ATG5: variants seen among roughly 807,000 people sequenced by gnomAD.
ATG5 encodes autophagy protein 5.
A neutral mutation model predicts 36.5 loss-of-function variants in ATG5; 14 were observed. The ratio of observed to expected loss-of-function variants is 0.38; its 90% CI spans 0.25 to 0.60. The LOEUF is 0.60. Ranked by LOEUF, ATG5 falls within the 20% of genes least tolerant of loss-of-function variation. The pLI, the probability that ATG5 is intolerant of heterozygous loss-of-function variation, is 0.60. For missense variants in ATG5, 195 were observed against 326.7 expected, an observed-to-expected ratio of 0.60 and a Z score of 3.11; for synonymous variants, 95 against 101.5, an observed-to-expected ratio of 0.94 and a Z score of 0.38.
chr6:106,248,247 G>T lies in ATG5; in HGVS notation c.479-3C>A. ...GGCCCAAAACTGGTCAAATCTGTCT[G>T]TAATGATATAAATTATTTGTTATTA... On this transcript the variant is annotated splice_region_variant and splice_polypyrimidine_tract_variant and intron_variant, in intron 5 of 7. Transcript: ENST00000369076. The T allele has an allele frequency of 1.3e-6, 2 of 1,583,108 alleles. No individual in the cohort carries two copies. The highest frequency in any genetic ancestry group is 1.7e-6 in the Non-Finnish European group (2 of 1,152,578).
intron 1 of ATG5, among the ~76,000 whole-genome samples, chr6:106,322,773 A>C (rs1771138225): frequency 6.6e-6 from 1 of 152,078 alleles, no homozygotes; most frequent in Admixed American, 6.6e-5. Flanking sequence ...ATACATTTAC[A>C]CTCCCACAGT....
At chr6:106,206,978 G>A (rs1446053742) in intron 6 of ATG5, among the ~76,000 whole-genome samples, 2 of 152,102 alleles carry the variant, frequency 1.3e-5, no homozygotes, top group Non-Finnish European at 1.5e-5. Flanking sequence ...TAAATCTTAG[G>A]TTGACAGACA....
At chr6:106,285,888 A>C (rs1780058040) in intron 4 of ATG5, among the ~76,000 whole-genome samples, 1 of 152,176 alleles carries the variant, frequency 6.6e-6, no homozygotes, top group Admixed American at 6.5e-5. Flanking sequence ...AGTGGACCAC[A>C]TTTGCCAACT....
At chr6:106,323,260 CTTTTTTTT>C (rs71274321) in intron 1 of ATG5, among the ~76,000 whole-genome samples, 1 of 64,222 alleles carries the variant, frequency 1.6e-5, no homozygotes, top group African/African-American at 6.6e-5. Context: ...TGGAAAAGTC[CTTTTTTTT>C]TTTTTTTTTT....
chr6:106,266,160 G>C (rs1187218673), intron 5 of ATG5, among the ~76,000 whole-genome samples: 1 of 152,058 alleles, frequency 6.6e-6, no homozygotes, highest in Admixed American at 6.6e-5. Flanking sequence ...AATGATAAAG[G>C]GGATATCATC....
chr6:106,260,984 T>G (rs1284785225), intron 5 of ATG5, among the ~76,000 whole-genome samples: 1 of 152,178 alleles, frequency 6.6e-6, no homozygotes, highest in East Asian at 1.9e-4. Context: ...CACCTGGAAA[T>G]GCGTAATACA....
intron 6 of ATG5, among the ~76,000 whole-genome samples, chr6:106,208,093 A>G (rs1386606669): frequency 6.6e-6 from 1 of 152,204 alleles, no homozygotes; most frequent in Non-Finnish European, 1.5e-5. Context: ...CTCTGTCTCA[A>G]AAAAGAGTAT....
rs575064984 is a variant in ATG5 at position 106,221,503 on chromosome 6, T to C, written c.574-19414A>G. The stretch of plus-strand genomic sequence containing the variant: ...GAATTCGAGACCAACCTGGGCAACA[T>C]GGTGAAACCCCATCTCTATAAAAAA... On this transcript the variant is annotated intron_variant, in intron 6 of 7. Transcript: ENST00000369076. Among the ~76,000 whole-genome samples the C allele has an allele frequency of 3.3e-5, 5 of 152,048 alleles. No homozygotes were observed. The South Asian group carries it at 6.2e-4, about 19-fold the overall frequency.
At chr6:106,276,541 C>A (rs1413574859) in intron 5 of ATG5, among the ~76,000 whole-genome samples, 1 of 151,578 alleles carries the variant, frequency 6.6e-6, no homozygotes, top group African/African-American at 2.4e-5. Context: ...AAACTAAAAA[C>A]CAGGCCTTTG....
At chr6:106,189,411 C>A (rs1775888085) in intron 7 of ATG5, among the ~76,000 whole-genome samples, 1 of 151,754 alleles carries the variant, frequency 6.6e-6, no homozygotes, top group Non-Finnish European at 1.5e-5. Context: ...TTGAGACCAG[C>A]CTGGGCAACA....
chr6:106,252,040 C>T (rs1778615136), intron 5 of ATG5, among the ~76,000 whole-genome samples: 1 of 152,086 alleles, frequency 6.6e-6, no homozygotes, highest in African/African-American at 2.4e-5. Context: ...GGGATTTCAC[C>T]ATGTTGGCCA....
chr6:106,317,348 C>T (rs991515349), intron 1 of ATG5, among the ~76,000 whole-genome samples: 2 of 152,108 alleles, frequency 1.3e-5, no homozygotes, highest in African/African-American at 2.4e-5. Context: ...AATAATCTTA[C>T]GAGTTTAGCC....
chr6:106,297,186 ATATTT>A (rs1769989452), intron 3 of ATG5, among the ~76,000 whole-genome samples: 1 of 152,206 alleles, frequency 6.6e-6, no homozygotes, highest in Non-Finnish European at 1.5e-5. Flanking sequence ...TCATTACATG[ATATTT>A]TATGACAAAA....
chr6:106,219,207 C>T (rs187811307), intron 6 of ATG5, among the ~76,000 whole-genome samples: 8 of 152,176 alleles, frequency 5.3e-5, no homozygotes, highest in African/African-American at 1.7e-4. Context: ...ATTGGATTTC[C>T]GGGTCTTCAG....
intron 6 of ATG5, among the ~76,000 whole-genome samples, chr6:106,225,185 G>A (rs932739964): frequency 2.0e-5 from 3 of 152,172 alleles, no homozygotes; most frequent in Non-Finnish European, 4.4e-5. Flanking sequence ...GAGGCCCAGA[G>A]ATGTAAGGTG....
At chr6:106,190,529 C>CT (rs775427438) in intron 7 of ATG5, among the ~76,000 whole-genome samples, 3 of 152,174 alleles carry the variant, frequency 2.0e-5, no homozygotes, top group African/African-American at 7.2e-5. Context: ...TCTCTACTCT[C>CT]TTTTAATCTG....
intron 1 of ATG5, among the ~76,000 whole-genome samples, chr6:106,324,342 T>A (rs1011825047): frequency 1.3e-5 from 2 of 152,212 alleles, no homozygotes; most frequent in Non-Finnish European, 2.9e-5. Flanking sequence ...AGGATGTGCA[T>A]AGGTTATCTG....
At chr6:106,264,192 A>G (rs1375502219) in intron 5 of ATG5, among the ~76,000 whole-genome samples, 1 of 152,216 alleles carries the variant, frequency 6.6e-6, no homozygotes, top group Non-Finnish European at 1.5e-5. Context: ...GAACTTTGTG[A>G]AGCATATACA....
chr6:106,268,492 G>C (rs1183019427), intron 5 of ATG5, among the ~76,000 whole-genome samples: 1 of 152,156 alleles, frequency 6.6e-6, no homozygotes, highest in Admixed American at 6.5e-5. Context: ...TCTACAGCCA[G>C]AAATACCATT....
Sources: allele counts gnomAD v4.1 joint callset (sites outside exome capture counted in the v4.1 genomes callset), GRCh38; gene constraint gnomAD v4.1.1; transcripts MANE v1.5; gene names NCBI Gene and HGNC (gene_info 2026-07-23, HGNC 2026-07-21).